RAG1: variants seen among roughly 807,000 people sequenced by gnomAD.
The protein encoded by RAG1 is recombination activating 1.
RAG1 carries 35 observed loss-of-function variants against 62.7 expected under a neutral mutation model. The observed-to-expected ratio is 0.56, with a 90% CI of 0.43 to 0.74. The LOEUF (loss-of-function observed/expected upper bound fraction) is 0.74. Ranked by LOEUF, RAG1 falls within the 30% of genes least tolerant of loss-of-function variation. The pLI is 0.00. For missense variants in RAG1, 1,169 were observed against 1,278.6 expected, an observed-to-expected ratio of 0.91 and a Z score of 1.31; for synonymous variants, 461 against 470.3, an observed-to-expected ratio of 0.98 and a Z score of 0.26.
chr11:36,558,526 C>T (rs1850535367), intron 3 of RAG1, among the ~76,000 whole-genome samples: 1 of 152,106 alleles, frequency 6.6e-6, no homozygotes, highest in South Asian at 2.1e-4. Context: ...ATAATGGTGC[C>T]ATCTGTTTTT....
rs549722286 is a variant in RAG1, at chr11:36,578,528, C to T, written c.*2092C>T. 24 of 166,912 alleles carry T rather than the reference C, an allele frequency of 1.4e-4. No individual in the cohort carries two copies. Among genetic ancestry groups the T allele is most frequent in the African/African-American group, 5.8e-4 (24 of 41,532 alleles). 10.3% of individuals were successfully genotyped at this position (166,912 alleles called of 1,614,324 possible). A position where few individuals can be genotyped will look rare whatever the true frequency, so the allele number is the denominator to read the frequency against. On this transcript the variant is annotated 3_prime_UTR_variant, in exon 2 of 2. Transcript: ENST00000299440. ...GTCATGCTGGTTTATAGATTTTTTA[C>T]CCATTTCTACTCTTTTTCTCTATTG...
rs1850791954 is a variant in RAG1, at chr11:36,573,961, G to A, written c.657G>A (p.Arg219=). The change falls in exon 2 of 2, where the codon CGG becomes CGA. Residue 219 remains arginine (R), a synonymous_variant. Transcript: ENST00000299440. Reference sequence around the variant, plus strand: ...GTGACATCTGCAACACTGCCCGTCGGGGACTCAAGAGGAAGAGTCTTCAGC... The same window carrying A: ...GTGACATCTGCAACACTGCCCGTCGAGGACTCAAGAGGAAGAGTCTTCAGC... ...PSCDICNTAR[R]GLKRKSLQPN... 3 of 1,614,002 alleles carry A rather than the reference G, an allele frequency of 1.9e-6. No individual in the cohort carries two copies. The highest frequency in any genetic ancestry group is 1.7e-6 in the Non-Finnish European group (2 of 1,180,032).
exon 1 of RAG1, chr11:36,510,895 A>C (rs939088796): frequency 6.6e-6 from 1 of 152,240 alleles, no homozygotes; most frequent in Admixed American, 6.5e-5. Context: ...GAGAAGCACA[A>C]AAGAGTTTCA....
At chr11:36,565,204 A>G (rs751822203), upstream of RAG1, among the ~76,000 whole-genome samples, 1 of 152,196 alleles carries the variant, frequency 6.6e-6, no homozygotes, top group Non-Finnish European at 1.5e-5. Flanking sequence ...TTATGATAAG[A>G]GCTCAAAATG....
At chr11:36,560,449 G>A (rs1350646816) in intron 3 of RAG1, among the ~76,000 whole-genome samples, 1 of 152,138 alleles carries the variant, frequency 6.6e-6, no homozygotes, top group Non-Finnish European at 1.5e-5. Context: ...TTGGATTCCT[G>A]GCTTTGTAGT....
chr11:36,529,680 A>G (rs186778986), intron 2 of RAG1, among the ~76,000 whole-genome samples: 17 of 152,280 alleles, frequency 1.1e-4, no homozygotes, highest in African/African-American at 3.8e-4. Flanking sequence ...AGGGCATTCA[A>G]TTAGGAAAAC....
downstream of RAG1, among the ~76,000 whole-genome samples, chr11:36,538,085 A>G (rs1341175445): frequency 6.6e-6 from 1 of 152,148 alleles, no homozygotes; most frequent in Non-Finnish European, 1.5e-5. Flanking sequence ...TATAGGAACA[A>G]AAGTAAAAAT....
In RAG1 at chr11:36,549,158, A is replaced by G. The variant is rs1056103277; in HGVS notation, c.-412+13124A>G. ...TAAAGGCTTAAATGTAAGACCTAAA[A>G]CCATAAAAACCCTAGAAGAAAACCT... On this transcript the variant is annotated intron_variant and NMD_transcript_variant, in intron 3 of 9. Coordinates refer to the RAG1 transcript ENST00000534663. Among the ~76,000 whole-genome samples, 10 of 152,302 alleles carry G rather than the reference A, an allele frequency of 6.6e-5. No homozygotes were observed. In the Middle Eastern group the frequency reaches 0.01, roughly 155 times the overall value.
rs1478597820 is a variant in RAG1, at chr11:36,574,002, G to A, written c.698G>A (p.Ser233Asn). 6.2e-7 allele frequency: 1 copy of A among 1,614,084 alleles called. No homozygotes were observed. The highest frequency in any genetic ancestry group is 1.7e-5 in the Admixed American group (1 of 60,018). ...RKSLQPNLQL[S>N]KKLKTVLDQA... is the part of the protein sequence containing the mutation. ...AGTCTTCAGCCAAACTTGCAGCTCA[G>A]CAAAAAACTCAAAACTGTGCTTGAC... Residue 233 changes from serine (S) to asparagine (N), a missense_variant, in exon 2 of 2, where the codon AGC becomes AAC. Physicochemically the swap from Ser to Asn is conservative, Grantham distance 46. Around this residue, in one of 2 missense-constraint regions of RAG1, gnomAD observed 369 missense variants for 335.3 expected, o/e 1.10. Coordinates refer to ENST00000299440, the MANE Select transcript of RAG1 (RefSeq NM_000448.3).
chr11:36,575,061 T>C lies in RAG1; in HGVS notation c.1757T>C (p.Leu586Pro). Residue 586 changes from leucine (L) to proline (P), a missense_variant, in exon 2 of 2, where the codon CTT becomes CCT. Leu to Pro is a moderately conservative substitution (Grantham distance 98). Transcript: ENST00000299440. This position sits in a 1 kb window ranked among gnomAD's most constrained non-coding sequence, Gnocchi z 4.1. The part of the protein sequence containing the change: ...DILEGMRSQD[L>P]DDYLNGPFTV... ...TTGGAAGGCATGAGATCCCAAGACC[T>C]TGATGATTACCTGAATGGCCCCTTC... is the stretch of plus-strand genomic sequence containing the variant. 1 of 1,614,130 alleles carries C rather than the reference T, an allele frequency of 6.2e-7. No individual in the cohort carries two copies. Among genetic ancestry groups the C allele is most frequent in the Non-Finnish European group, 8.5e-7 (1 of 1,180,020 alleles).
In RAG1 at chr11:36,574,247, G is replaced by T; in HGVS notation, c.943G>T (p.Val315Phe). ...ETNCKHVFCR[V>F]CILRCLKVMG... is the part of the protein sequence containing the mutation. Reference sequence around the variant, plus strand: ...CAACTGTAAGCATGTCTTTTGCCGGGTCTGCATTCTCAGATGCCTCAAAGT... The same window carrying T: ...CAACTGTAAGCATGTCTTTTGCCGGTTCTGCATTCTCAGATGCCTCAAAGT... The change falls in exon 2 of 2, where the codon GTC becomes TTC. Residue 315 changes from valine (V) to phenylalanine (F), a missense_variant. Physicochemically the swap from Val to Phe is conservative, Grantham distance 50 (BLOSUM62 -1). Around this residue, in one of 2 missense-constraint regions of RAG1, gnomAD observed 800 missense variants for 943.3 expected, o/e 0.85. Coordinates refer to ENST00000299440, the MANE Select transcript of RAG1 (RefSeq NM_000448.3). The T allele has an allele frequency of 1.2e-6, 2 of 1,614,174 alleles. No individual in the cohort carries two copies. Among genetic ancestry groups the T allele is most frequent in the Non-Finnish European group, 1.7e-6 (2 of 1,180,040 alleles).
chr11:36,564,307 T>A (rs906045681), upstream of RAG1, among the ~76,000 whole-genome samples: 3 of 152,170 alleles, frequency 2.0e-5, no homozygotes, highest in African/African-American at 7.2e-5. Flanking sequence ...CTTGTGCAAA[T>A]TACTTTGACC....
At position 36,572,421 on chromosome 11, in the gene RAG1, A is replaced by G. The variant is rs1444427519; in HGVS notation, c.-14-870A>G. Among the ~76,000 whole-genome samples, 3 of 152,216 alleles carry G rather than the reference A, an allele frequency of 2.0e-5. No homozygotes were observed. In the East Asian group the frequency reaches 5.8e-4, roughly 29 times the overall value. Reference sequence around the variant, plus strand: ...CAATGTTTTTTACCAGAAGAGAAACATTACTCCCACCTCTTCTTATTATGT... The same window carrying G: ...CAATGTTTTTTACCAGAAGAGAAACGTTACTCCCACCTCTTCTTATTATGT... On this transcript the variant is annotated intron_variant, in intron 1 of 1. Coordinates refer to ENST00000299440, the MANE Select transcript of RAG1 (RefSeq NM_000448.3).
Position 36,577,810 on chromosome 11 carries a change from G to A in RAG1, c.*1374G>A, listed in dbSNP as rs1268678300. ...AATTAATCACTATGTTTATAAGGTA[G>A]TATCAGAATTTTTTTAGGATTCACA... On this transcript the variant is annotated 3_prime_UTR_variant, in exon 2 of 2. Transcript: ENST00000299440. The A allele has an allele frequency of 1.2e-5, 2 of 167,038 alleles. No homozygotes were observed. The highest frequency in any genetic ancestry group is 2.9e-5 in the Non-Finnish European group (2 of 68,120). 10.3% of individuals were successfully genotyped at this position (167,038 alleles called of 1,614,324 possible). A position where few individuals can be genotyped will look rare whatever the true frequency, so the allele number is the denominator to read the frequency against.
intron 1 of RAG1, among the ~76,000 whole-genome samples, chr11:36,519,470 TAC>T (rs1270826571): frequency 6.6e-6 from 1 of 152,242 alleles, no homozygotes; most frequent in Non-Finnish European, 1.5e-5. Context: ...TTAAAGAATG[TAC>T]AGTTTCCTAT....
At position 36,516,533 on chromosome 11, in the gene RAG1, A is replaced by G. The variant is rs576382031; in HGVS notation, n.331-3599A>G. 3.9e-5 allele frequency among the ~76,000 whole-genome samples: 6 copies of G among 152,324 alleles called. No homozygotes were observed. In the South Asian group the frequency reaches 1.0e-3, roughly 26 times the overall value. On this transcript the variant is annotated intron_variant and non_coding_transcript_variant, in intron 1 of 2. Coordinates refer to the RAG1 transcript ENST00000529126. Reference sequence around the variant, plus strand: ...GAGACGGAGTTTCACCGTGTTAGCCAGGATGGTCTCGATCTCCTGACCTCG... The same window carrying G: ...GAGACGGAGTTTCACCGTGTTAGCCGGGATGGTCTCGATCTCCTGACCTCG...
intron 1 of RAG1, among the ~76,000 whole-genome samples, chr11:36,515,952 T>C (rs1403222379): frequency 2.0e-5 from 3 of 152,196 alleles, no homozygotes; most frequent in South Asian, 2.1e-4. Flanking sequence ...CCAAATCCAA[T>C]AAAAAACCTA....
intron 3 of RAG1, among the ~76,000 whole-genome samples, chr11:36,551,037 G>A (rs561490782): frequency 6.6e-6 from 1 of 152,166 alleles, no homozygotes; most frequent in Admixed American, 6.5e-5. Context: ...CAAAAGTATT[G>A]GACAGATAGG....
At position 36,574,749 on chromosome 11, in the gene RAG1, G is replaced by C. The variant is rs1850812012; in HGVS notation, c.1445G>C (p.Ser482Thr). The change falls in exon 2 of 2, where the codon AGT (serine) becomes ACT (threonine). Residue 482 changes from serine (S) to threonine (T), a missense_variant. Around this residue, in one of 2 missense-constraint regions of RAG1, gnomAD observed 800 missense variants for 943.3 expected, o/e 0.85. Transcript: ENST00000299440. ...CGTGTCAACACCTTCCTCAGCTGCA[G>C]TCAGTACCACAAGATGTACAGGACT... is the stretch of plus-strand genomic sequence containing the variant. ...AIRVNTFLSC[S>T]QYHKMYRTVK... 6.2e-7 allele frequency: 1 copy of C among 1,614,118 alleles called. No individual in the cohort carries two copies. Among genetic ancestry groups the C allele is most frequent in the Admixed American group, 1.7e-5 (1 of 60,008 alleles).
Sources: gnomAD v4.1 joint callset for allele counts (sites outside exome capture counted in the v4.1 genomes callset) on GRCh38, gnomAD v4.1.1 for gene constraint, gnomAD v4.1.1 regional missense constraint, Gnocchi (gnomAD v3.1) non-coding constraint, MANE v1.5 for transcripts, NCBI Gene and HGNC (gene_info 2026-07-23, HGNC 2026-07-21) for gene names.